Variants in TSPAN7 observed in about 807,000 individuals in gnomAD.
The protein encoded by TSPAN7 is tetraspanin-7.
A neutral mutation model predicts 17.6 loss-of-function variants in TSPAN7; 1 was observed. The observed-to-expected ratio is 0.06, with a 90% confidence interval of 0.02 to 0.27. The LOEUF is 0.27. TSPAN7 is among the 10% of genes least tolerant of loss of function. The pLI, the probability that TSPAN7 is intolerant of heterozygous loss-of-function variation, is 1.00. For synonymous variants in TSPAN7, 78 were observed against 79.0 expected (o/e 0.99, Z 0.07); for missense variants, 112 against 201.7 (o/e 0.56, Z 2.69).
intron 1 of TSPAN7, among the ~76,000 whole-genome samples, chrX:38,644,152 TTTTG>T (rs2069631577): frequency 9.0e-6 from 1 of 111,608 alleles, no homozygotes; most frequent in African/African-American, 3.3e-5. Flanking sequence ...AGGAGAGAGG[TTTTG>T]TTTCAGTAGG....
intron 1 of TSPAN7, among the ~76,000 whole-genome samples, chrX:38,660,069 C>G (rs1339202633): frequency 9.1e-6 from 1 of 109,690 alleles, no homozygotes; most frequent in South Asian, 3.9e-4. Context: ...TCAAGTGATC[C>G]GCCCACCTCT....
At chrX:38,594,724 C>A (rs1238385542) in intron 1 of TSPAN7, among the ~76,000 whole-genome samples, 2 of 111,668 alleles carry the variant, frequency 1.8e-5, no homozygotes, top group East Asian at 2.8e-4. Flanking sequence ...TGTTTTTATG[C>A]AAGTAAAAAT....
Position 38,687,101 on chromosome X carries a change from A to G in TSPAN7, c.682-498A>G, listed in dbSNP as rs190929694. Among the ~76,000 whole-genome samples the G allele has an allele frequency of 2.4e-3, 269 of 112,352 alleles. 1 individual carries two copies. The highest frequency in any genetic ancestry group is 3.0e-3 in the Non-Finnish European group (162 of 53,251). ...GTGTCTCTATTCTTGCCTCAAGGAA[A>G]GAACTATTATTTTGTCAGCTGGGTA... On this transcript the variant is annotated intron_variant, in intron 6 of 7. Coordinates refer to ENST00000378482, the MANE Select transcript of TSPAN7 (RefSeq NM_004615.4).
intron 5 of TSPAN7, among the ~76,000 whole-genome samples, chrX:38,676,072 C>A (rs1386793631): frequency 2.7e-5 from 3 of 111,803 alleles, no homozygotes; most frequent in Non-Finnish European, 5.6e-5. Context: ...TCTTTCTCTC[C>A]CACAGCAAGG....
At chrX:38,609,909 T>C (rs985770671) in intron 1 of TSPAN7, among the ~76,000 whole-genome samples, 9 of 110,338 alleles carry the variant, frequency 8.2e-5, no homozygotes, top group African/African-American at 1.6e-4. Context: ...GAAATGTCGC[T>C]AGGTTATGTT....
intron 1 of TSPAN7, among the ~76,000 whole-genome samples, chrX:38,652,882 G>A (rs1221956041): frequency 1.8e-5 from 2 of 112,491 alleles, no homozygotes; most frequent in African/African-American, 6.5e-5. Flanking sequence ...CTCGTAGGAA[G>A]CCCTTAGGCA....
At chrX:38,681,340 C>T in intron 6 of TSPAN7, 53 bp downstream of exon 6, 1 of 1,040,442 alleles carries the variant, frequency 9.6e-7, no homozygotes, top group Non-Finnish European at 1.4e-6. Flanking sequence ...TGCCTCCCTC[C>T]CTGGCCTCCA....
At chrX:38,571,308 A>G (rs1335928289) in intron 1 of TSPAN7, among the ~76,000 whole-genome samples, 1 of 111,314 alleles carries the variant, frequency 9.0e-6, no homozygotes, top group Non-Finnish European at 1.9e-5. Flanking sequence ...GCCCTAAAGA[A>G]GATACTTAGA....
At chrX:38,592,740 G>A (rs753142664) in intron 1 of TSPAN7, among the ~76,000 whole-genome samples, 1 of 109,453 alleles carries the variant, frequency 9.1e-6, no homozygotes, top group African/African-American at 3.3e-5. Flanking sequence ...ATTTTTGTGG[G>A]TACATTGTAG....
intron 1 of TSPAN7, among the ~76,000 whole-genome samples, chrX:38,658,196 A>T (rs1009571028): frequency 7.2e-5 from 8 of 110,992 alleles, no homozygotes; most frequent in Non-Finnish European, 1.5e-4. Flanking sequence ...GTCTTTTTTT[A>T]AAAAAATAAG....
chrX:38,564,161 G>T (rs2069129793), intron 1 of TSPAN7, among the ~76,000 whole-genome samples: 1 of 106,037 alleles, frequency 9.4e-6, no homozygotes. Context: ...CCCACCCCCT[G>T]CCAGCCCTAA....
rs756483360 is a variant in TSPAN7, at chrX:38,561,570, C to T, written c.24C>T (p.Thr8=). 1.0e-5 allele frequency: 12 copies of T among 1,204,162 alleles called. No individual in the cohort carries two copies. Among genetic ancestry groups the T allele is most frequent in the Non-Finnish European group, 1.2e-5 (11 of 891,423 alleles). Residue 8 remains threonine, a synonymous_variant, in exon 1 of 8, where the codon ACC becomes ACT. Coordinates refer to ENST00000378482, the MANE Select transcript of TSPAN7 (RefSeq NM_004615.4). Reference sequence around the variant, plus strand: ...GTATGGCATCGAGGAGAATGGAGACCAAACCTGTGATAACCTGTCTCAAAA... The same window carrying T: ...GTATGGCATCGAGGAGAATGGAGACTAAACCTGTGATAACCTGTCTCAAAA... MASRRME[T]KPVITCLKTL...
At chrX:38,646,566 G>T (rs1270245985) in intron 1 of TSPAN7, among the ~76,000 whole-genome samples, 1 of 112,230 alleles carries the variant, frequency 8.9e-6, no homozygotes, top group Non-Finnish European at 1.9e-5. Context: ...TGAAATGCCA[G>T]ATAATCTTAA....
intron 1 of TSPAN7, among the ~76,000 whole-genome samples, chrX:38,580,598 G>A (rs189145019): frequency 5.4e-5 from 6 of 112,061 alleles, no homozygotes; most frequent in Middle Eastern, 4.6e-3. Context: ...ACTGTCTTAG[G>A]TTATTGTGAT....
intron 1 of TSPAN7, among the ~76,000 whole-genome samples, chrX:38,641,736 T>C (rs1241025248): frequency 1.8e-5 from 2 of 111,907 alleles, no homozygotes; most frequent in Non-Finnish European, 3.8e-5. Flanking sequence ...ATTATCTTCA[T>C]TTTGCAGATT....
intron 2 of TSPAN7, among the ~76,000 whole-genome samples, chrX:38,670,457 TA>T (rs2147452019): frequency 8.9e-6 from 1 of 112,309 alleles, no homozygotes; most frequent in East Asian, 2.8e-4. Flanking sequence ...TGAAAAGCAC[TA>T]AAGGCGTTAG....
intron 7 of TSPAN7, 32 bp downstream of exon 7, chrX:38,687,706 G>T (rs749416163): frequency 1.0e-5 from 12 of 1,163,616 alleles, no homozygotes; most frequent in Non-Finnish European, 1.4e-5. Context: ...TTAATTTTGA[G>T]GGGTCCCCTT....
chrX:38,664,719 C>T (rs1311721803), intron 1 of TSPAN7, among the ~76,000 whole-genome samples: 1 of 112,036 alleles, frequency 8.9e-6, no homozygotes, highest in Non-Finnish European at 1.9e-5. Flanking sequence ...GATTTAAAAC[C>T]TTTAATTCTG....
At chrX:38,671,326 CT>C (rs763262675) in intron 2 of TSPAN7, 49 bp from the exon 3 acceptor site, 1 of 1,165,389 alleles carries the variant, frequency 8.6e-7, no homozygotes, top group African/African-American at 1.8e-5. Flanking sequence ...AAGAAGCCCT[CT>C]TCTTAATCCT....
Sources: allele counts gnomAD v4.1 joint callset (sites outside exome capture counted in the v4.1 genomes callset), GRCh38; gene constraint gnomAD v4.1.1; transcripts MANE v1.5; gene names NCBI Gene and HGNC (gene_info 2026-07-23, HGNC 2026-07-21).